MYLK: variants seen among roughly 807,000 people sequenced by gnomAD.
MYLK encodes myosin light chain kinase.
MYLK carries 106 observed loss-of-function variants against 203.4 expected under a neutral mutation model. That is an observed-to-expected ratio of 0.52 (90% confidence interval 0.45 to 0.61). MYLK has a LOEUF of 0.61. Ranked by LOEUF, MYLK falls within the 20% of genes least tolerant of loss-of-function variation. MYLK has a pLI of 0.00. For synonymous variants in MYLK, 867 were observed against 959.5 expected (o/e 0.90, Z 1.78); for missense variants, 2,072 against 2,442.3 (o/e 0.85, Z 3.20).
At chr3:123,810,387 T>C (rs560103925) in intron 3 of MYLK, among the ~76,000 whole-genome samples, 3 of 152,178 alleles carry the variant, frequency 2.0e-5, no homozygotes, top group Admixed American at 6.5e-5. Context: ...CTGTGAGCCA[T>C]GGGTGAGCAG....
intron 13 of MYLK, among the ~76,000 whole-genome samples, chr3:123,710,542 C>T (rs1391897495): frequency 6.6e-6 from 1 of 152,168 alleles, no homozygotes; most frequent in South Asian, 2.1e-4. Flanking sequence ...ACACTACACT[C>T]ATTAGAATGG....
intron 21 of MYLK, 44 bp downstream of exon 21, chr3:123,667,093 G>T (rs1248650540): frequency 1.3e-6 from 2 of 1,591,732 alleles, no homozygotes; most frequent in Non-Finnish European, 1.7e-6. Flanking sequence ...AAACCCCCAT[G>T]GTAGATGACT....
chr3:123,617,509 G>T (rs1197024151), intron 33 of MYLK: 2 of 152,200 alleles, frequency 1.3e-5, no homozygotes, highest in African/African-American at 2.4e-5. Context: ...ATAATATAAA[G>T]ATGCAGAAGA....
At chr3:123,883,864 C>A (rs1019913409) in intron 1 of MYLK, among the ~76,000 whole-genome samples, 1 of 152,130 alleles carries the variant, frequency 6.6e-6, no homozygotes, top group Non-Finnish European at 1.5e-5. Context: ...TCCCAGAGGC[C>A]GTCACCGAGT....
At chr3:123,770,339 C>T (rs912675135) in intron 4 of MYLK, among the ~76,000 whole-genome samples, 11 of 152,006 alleles carry the variant, frequency 7.2e-5, no homozygotes, top group African/African-American at 2.7e-4. Context: ...TAAAATAAAA[C>T]AAAGGTCCGA....
chr3:123,675,837 C>T (rs2060055601), intron 20 of MYLK, among the ~76,000 whole-genome samples: 1 of 152,124 alleles, frequency 6.6e-6, no homozygotes, highest in Admixed American at 6.5e-5. Flanking sequence ...CCACACTGGC[C>T]CTGGGTGACC....
chr3:123,707,711 G>C, intron 16 of MYLK, 43 bp downstream of exon 16: 1 of 1,613,530 alleles, frequency 6.2e-7, no homozygotes, highest in Non-Finnish European at 8.5e-7. Context: ...CTAGGAATTT[G>C]GAGGGAAGGG....
intron 20 of MYLK, among the ~76,000 whole-genome samples, chr3:123,667,438 C>T (rs1287762830): frequency 6.6e-6 from 1 of 151,862 alleles, no homozygotes; most frequent in African/African-American, 2.4e-5. Context: ...CCCATCTCTA[C>T]TAAAAATACA....
chr3:123,688,393 C>T (rs1443423501), intron 19 of MYLK, among the ~76,000 whole-genome samples: 5 of 151,976 alleles, frequency 3.3e-5, no homozygotes, highest in African/African-American at 4.8e-5. Flanking sequence ...TCTTTAACTT[C>T]TCTCTCTCTC....
rs769953276 is a variant in MYLK at position 123,614,360 on chromosome 3, G to C, written c.5501-11C>G. 1 of 1,614,100 alleles carries C rather than the reference G, an allele frequency of 6.2e-7. No individual in the cohort carries two copies. The highest frequency in any genetic ancestry group is 1.7e-5 in the Admixed American group (1 of 60,010). On this transcript the variant is annotated splice_polypyrimidine_tract_variant and intron_variant, in intron 33 of 33. Coordinates refer to ENST00000360304, the MANE Select transcript of MYLK (RefSeq NM_053025.4). Reference sequence around the variant, plus strand: ...CGGGGTCTGGGTATCCTGCATCACAGGGAGAGAACACAAGTTGCAGGAACT... The same window carrying C: ...CGGGGTCTGGGTATCCTGCATCACACGGAGAGAACACAAGTTGCAGGAACT...
intron 19 of MYLK, among the ~76,000 whole-genome samples, chr3:123,691,090 C>T (rs1451953223): frequency 6.6e-6 from 1 of 152,188 alleles, no homozygotes; most frequent in Non-Finnish European, 1.5e-5. Flanking sequence ...CTTCAGCTAG[C>T]CATGTAAACA....
intron 9 of MYLK, 155 bp from the exon 10 acceptor site, chr3:123,734,377 G>T (rs892159855): frequency 8.2e-5 from 60 of 727,300 alleles, no homozygotes; most frequent in Non-Finnish European, 1.2e-4. Context: ...TTTCTCTGCA[G>T]TTTGCCCAGT....
intron 4 of MYLK, among the ~76,000 whole-genome samples, chr3:123,753,120 G>A (rs2063254804): frequency 6.6e-6 from 1 of 152,182 alleles, no homozygotes; most frequent in Non-Finnish European, 1.5e-5. Context: ...AGGTAGCGAT[G>A]GAGCACTCAA....
chr3:123,865,649 C>T (rs2032278010), intron 2 of MYLK, among the ~76,000 whole-genome samples: 1 of 152,302 alleles, frequency 6.6e-6, no homozygotes, highest in Middle Eastern at 3.4e-3. Context: ...GTATAATTCA[C>T]CATAAGTCCT....
chr3:123,663,217 C>T (rs1370990310), intron 23 of MYLK, among the ~76,000 whole-genome samples: 3 of 151,908 alleles, frequency 2.0e-5, no homozygotes, highest in Non-Finnish European at 4.4e-5. Context: ...AGAGAGCTGA[C>T]CAGGGCACGA....
At chr3:123,690,088 C>A (rs143969137) in intron 19 of MYLK, among the ~76,000 whole-genome samples, 3 of 152,266 alleles carry the variant, frequency 2.0e-5, no homozygotes, top group Non-Finnish European at 2.9e-5. Flanking sequence ...CCAGGCCAGC[C>A]CTGCTGAGTG....
At chr3:123,781,776 A>G (rs900263408) in intron 4 of MYLK, among the ~76,000 whole-genome samples, 3 of 151,952 alleles carry the variant, frequency 2.0e-5, no homozygotes, top group Non-Finnish European at 4.4e-5. Context: ...GCCCTCCCCA[A>G]GCACCTCCTC....
intron 33 of MYLK, 112 bp downstream of exon 33, chr3:123,618,527 C>A: frequency 6.8e-7 from 1 of 1,471,596 alleles, no homozygotes. Flanking sequence ...CTTGGCAGTT[C>A]CTCATTGTCC....
intron 2 of MYLK, among the ~76,000 whole-genome samples, chr3:123,850,434 T>C (rs2030631857): frequency 6.6e-6 from 1 of 152,240 alleles, no homozygotes; most frequent in Non-Finnish European, 1.5e-5. Context: ...ATGATCGCCA[T>C]TCTAACTGGT....
Sources: allele counts gnomAD v4.1 joint callset (sites outside exome capture counted in the v4.1 genomes callset), GRCh38; gene constraint gnomAD v4.1.1; transcripts MANE v1.5; gene names NCBI Gene and HGNC (gene_info 2026-07-23, HGNC 2026-07-21).